ZNF8: variants seen among roughly 807,000 people sequenced by gnomAD.
ZNF8 encodes the protein zinc finger protein 272.
Under a neutral mutation model 12.2 loss-of-function variants are expected in ZNF8, and 9 were observed. The ratio of observed to expected loss-of-function variants is 0.73; its 90% CI spans 0.44 to 1.28. The LOEUF is 1.28. Ranked by LOEUF, ZNF8 falls within the 50% of genes most tolerant of loss-of-function variation. The pLI, the probability that ZNF8 is intolerant of heterozygous loss-of-function variation, is 0.00. For missense variants in ZNF8, 664 were observed against 729.1 expected, an observed-to-expected ratio of 0.91 and a Z score of 1.03; for synonymous variants, 274 against 282.3, an observed-to-expected ratio of 0.97 and a Z score of 0.30.
chr19:58,295,620 G>A lies in ZNF8; in HGVS notation c.*84G>A. 12 of 1,176,364 alleles carry A rather than the reference G, an allele frequency of 1.0e-5. No individual in the cohort carries two copies. Among genetic ancestry groups the A allele is most frequent in the Non-Finnish European group, 1.4e-5 (12 of 835,188 alleles). 72.9% of individuals were successfully genotyped at this position (1,176,364 alleles called of 1,614,324 possible). On this transcript the variant is annotated 3_prime_UTR_variant, in exon 4 of 4. Transcript: ENST00000621650. ...GTGTACTCATGGAAGGAGGGGCTGG[G>A]GGTAGAAATGTCATGGGTGACTTCT...
Position 58,285,157 on chromosome 19 carries a change from G to T in ZNF8, c.67-560G>T, listed in dbSNP as rs866421823. On this transcript the variant is annotated intron_variant, in intron 1 of 3. Coordinates refer to ENST00000621650, the MANE Select transcript of ZNF8 (RefSeq NM_021089.3). ...GGAAGGATGGTGAACCTGTTTTTTT[G>T]TTTTTTTTTTTTGAGATGGAGTCTC... 5.4e-3 allele frequency among the ~76,000 whole-genome samples: 777 copies of T among 145,200 alleles called. 9 individuals are homozygous for T. Among genetic ancestry groups the T allele is most frequent in the African/African-American group, 0.019 (736 of 39,424 alleles).
intron 3 of ZNF8, chr19:58,286,526 G>A (rs1160626829): frequency 8.0e-6 from 2 of 250,318 alleles, no homozygotes; most frequent in Non-Finnish European, 1.6e-5. Flanking sequence ...AGGGAATCTT[G>A]TTAAGAGACT....
intron 3 of ZNF8, among the ~76,000 whole-genome samples, chr19:58,291,138 C>G (rs1208438404): frequency 1.3e-5 from 2 of 152,228 alleles, no homozygotes; most frequent in Non-Finnish European, 2.9e-5. Context: ...TCAAGCCCCT[C>G]CTTGGCCCCT....
intron 3 of ZNF8, among the ~76,000 whole-genome samples, chr19:58,289,566 T>A (rs184644374): frequency 4.6e-5 from 7 of 151,940 alleles, no homozygotes; most frequent in Non-Finnish European, 8.8e-5. Flanking sequence ...TCAAAATGGT[T>A]CATCAGGGCT....
At position 58,295,684 on chromosome 19, in the gene ZNF8, T is replaced by G. The variant is rs143416316; in HGVS notation, c.*148T>G. 4.2e-6 allele frequency: 3 copies of G among 721,948 alleles called. No homozygotes were observed. The highest frequency in any genetic ancestry group is 6.7e-6 in the Non-Finnish European group (3 of 447,554). The allele number at this position is 721,948 out of a possible 1,614,324, so 44.7% of individuals were successfully genotyped here. ...AATGATGCTTCCCAAGCACCCGAGG[T>G]TGGTTGGTCCCAAATCTATCAAACT... On this transcript the variant is annotated 3_prime_UTR_variant, in exon 4 of 4. Transcript: ENST00000621650.
rs1486160408 is a variant in ZNF8, at chr19:58,299,429, A to G, written c.*3893A>G. ...GCCTGGCCCCAAAACAGCAATTTGAATAACCATGTTGGAATGGTTGAGCAT... is the reference window on the plus strand; with the variant it reads ...GCCTGGCCCCAAAACAGCAATTTGAGTAACCATGTTGGAATGGTTGAGCAT... On this transcript the variant is annotated 3_prime_UTR_variant, in exon 4 of 4. Transcript: ENST00000621650. 3 of 150,172 alleles carry G rather than the reference A, an allele frequency of 2.0e-5. No individual in the cohort carries two copies. The highest frequency in any genetic ancestry group is 4.4e-5 in the Non-Finnish European group (3 of 67,488). 9.3% of individuals were successfully genotyped at this position (150,172 alleles called of 1,614,324 possible).
At chr19:58,281,346 C>G (rs2051349543) in intron 1 of ZNF8, among the ~76,000 whole-genome samples, 2 of 152,134 alleles carry the variant, frequency 1.3e-5, no homozygotes, top group South Asian at 4.1e-4. Context: ...AACATCAGAG[C>G]ACAGCCCCAC....
intron 1 of ZNF8, among the ~76,000 whole-genome samples, chr19:58,280,864 T>C (rs1245359473): frequency 2.0e-5 from 3 of 152,234 alleles, no homozygotes; most frequent in African/African-American, 7.2e-5. Flanking sequence ...AAAGCCTGCA[T>C]TGTAGCATGT....
Position 58,292,814 on chromosome 19 carries a change from A to T in ZNF8, c.290-1284A>T, listed in dbSNP as rs1343613265. 3.3e-5 allele frequency among the ~76,000 whole-genome samples: 5 copies of T among 152,098 alleles called. No individual in the cohort carries two copies. In the East Asian group the frequency reaches 9.6e-4, roughly 29 times the overall value. ...TGGATAGACCATATTTTGTTTATGCATTTGTTGAGGGGCATTTGGGTTGTT... is the reference window on the plus strand; with the variant it reads ...TGGATAGACCATATTTTGTTTATGCTTTTGTTGAGGGGCATTTGGGTTGTT... On this transcript the variant is annotated intron_variant, in intron 3 of 3. Transcript: ENST00000621650.
At chr19:58,289,714 C>T (rs1379099776) in intron 3 of ZNF8, among the ~76,000 whole-genome samples, 2 of 152,096 alleles carry the variant, frequency 1.3e-5, no homozygotes, top group African/African-American at 4.8e-5. Context: ...ATCACAACCG[C>T]TTCCCTGACT....
intron 1 of ZNF8, among the ~76,000 whole-genome samples, chr19:58,283,791 G>A (rs1025709731): frequency 6.6e-6 from 1 of 151,480 alleles, no homozygotes; most frequent in African/African-American, 2.4e-5. Context: ...AGTAGAGACA[G>A]GGTTTCATCG....
At chr19:58,285,695 G>A (rs756779321) in intron 1 of ZNF8, 22 bp from the exon 2 acceptor site, 20 of 1,614,040 alleles carry the variant, frequency 1.2e-5, no homozygotes, top group Non-Finnish European at 1.6e-5. Flanking sequence ...CCAGCTGATT[G>A]AGAATGTGTG....
At chr19:58,281,937 A>G (rs945449972) in intron 1 of ZNF8, among the ~76,000 whole-genome samples, 1 of 152,048 alleles carries the variant, frequency 6.6e-6, no homozygotes, top group Non-Finnish European at 1.5e-5. Flanking sequence ...ACGTGGTGCA[A>G]CCCCATCTCT....
intron 3 of ZNF8, among the ~76,000 whole-genome samples, chr19:58,291,138 CCTT>C (rs2051417069): frequency 6.6e-6 from 1 of 152,228 alleles, no homozygotes; most frequent in Non-Finnish European, 1.5e-5. Context: ...TCAAGCCCCT[CCTT>C]GGCCCCTGTC....
chr19:58,286,926 A>G (rs2051386704), intron 3 of ZNF8: 1 of 152,278 alleles, frequency 6.6e-6, no homozygotes, highest in South Asian at 2.1e-4. Context: ...TATAGGTTCC[A>G]GGTCATTCCC....
In ZNF8 at chr19:58,294,025, T is replaced by C; in HGVS notation, c.290-73T>C. The C allele has an allele frequency of 1.4e-6, 2 of 1,383,476 alleles. No homozygotes were observed. Among genetic ancestry groups the C allele is most frequent in the Non-Finnish European group, 2.0e-6 (2 of 1,008,020 alleles). 85.7% of individuals were successfully genotyped at this position (1,383,476 alleles called of 1,614,324 possible). On this transcript the variant is annotated intron_variant, in intron 3 of 3. Coordinates refer to ENST00000621650, the MANE Select transcript of ZNF8 (RefSeq NM_021089.3). The surrounding 1 kb of genome is among the most constrained non-coding windows in gnomAD (Gnocchi z 5.5). ...TAGGACCCCATTTCAATATCAGGCC[T>C]ATGGTGTTGGAGGCCTGTCCCCCTT...
rs1046562303 is a variant in ZNF8 at position 58,300,730 on chromosome 19, C to A, written c.*5194C>A. 1 of 152,228 alleles carries A rather than the reference C, an allele frequency of 6.6e-6. No individual in the cohort carries two copies. Among genetic ancestry groups the A allele is most frequent in the Non-Finnish European group, 1.5e-5 (1 of 68,088 alleles). 9.4% of individuals were successfully genotyped at this position (152,228 alleles called of 1,614,324 possible). On this transcript the variant is annotated 3_prime_UTR_variant, in exon 4 of 4. Transcript: ENST00000621650. ...GTATCTGCTGCTTTTCTCCTTCAAG[C>A]TCTTGGGAGAATCGCTTGTGCTCCC...
At chr19:58,286,376 C>T in intron 3 of ZNF8, 171 bp downstream of exon 3, 2 of 567,188 alleles carry the variant, frequency 3.5e-6, no homozygotes. Flanking sequence ...ATGAGACCAA[C>T]AAAGGGGAAA....
chr19:58,296,152 G>T lies in ZNF8; in HGVS notation c.*616G>T, dbSNP rs900086211. On this transcript the variant is annotated 3_prime_UTR_variant, in exon 4 of 4. Transcript: ENST00000621650. Reference sequence around the variant, plus strand: ...CAGCAATTAGTTTGTGCTTATGTGTGAAGTCCAGTTAGGTTCTCAGTTCAT... The same window carrying T: ...CAGCAATTAGTTTGTGCTTATGTGTTAAGTCCAGTTAGGTTCTCAGTTCAT... 1 of 152,504 alleles carries T rather than the reference G, an allele frequency of 6.6e-6. No homozygotes were observed. Among genetic ancestry groups the T allele is most frequent in the South Asian group, 2.1e-4 (1 of 4,836 alleles). 9.4% of individuals were successfully genotyped at this position (152,504 alleles called of 1,614,324 possible). A position where few individuals can be genotyped will look rare whatever the true frequency, so the allele number is the denominator to read the frequency against.
Sources: allele counts gnomAD v4.1 joint callset (sites outside exome capture counted in the v4.1 genomes callset), GRCh38; gene constraint gnomAD v4.1.1; non-coding constraint Gnocchi (gnomAD v3.1); transcripts MANE v1.5; gene names NCBI Gene and HGNC (gene_info 2026-07-23, HGNC 2026-07-21).